Variants in INPP5A observed in about 807,000 individuals in gnomAD.
INPP5A encodes 43 kDa inositol polyphosphate 5-phophatase.
In INPP5A, 14 loss-of-function variants were observed where a neutral mutation model predicts 65.2. The observed-to-expected ratio is 0.21, with a 90% confidence interval of 0.14 to 0.34. The LOEUF is 0.34. INPP5A is among the 10% of genes least tolerant of loss of function. INPP5A has a pLI of 1.00. For missense variants in INPP5A, 431 were observed against 545.6 expected (o/e 0.79, Z 2.09); for synonymous variants, 207 against 208.3 (o/e 0.99, Z 0.05).
chr10:132,780,765 C>G, intron 13 of INPP5A, 84 bp from the exon 14 acceptor site: 1 of 1,105,338 alleles, frequency 9.0e-7, no homozygotes, highest in Non-Finnish European at 1.4e-6. Flanking sequence ...CCCCACAAAA[C>G]CCTGATGTTC....
chr10:132,720,493 A>C (rs1845849419), intron 8 of INPP5A, among the ~76,000 whole-genome samples: 1 of 147,396 alleles, frequency 6.8e-6, no homozygotes, highest in South Asian at 2.2e-4. Context: ...TGGGTGCCTT[A>C]GACAGCTGTC....
In INPP5A at chr10:132,603,905, C is replaced by A. The variant is rs536135647; in HGVS notation, c.76-4010C>A. Among the ~76,000 whole-genome samples the A allele has an allele frequency of 1.3e-5, 2 of 151,392 alleles. No homozygotes were observed. Among genetic ancestry groups the A allele is most frequent in the African/African-American group, 4.9e-5 (2 of 41,164 alleles). ...GCTGCATCACCTGAGTTCTGCCCTG[C>A]GCCGTCAGGGTCCCCTCTCCGTCCA... On this transcript the variant is annotated intron_variant, in intron 1 of 15. Transcript: ENST00000368594. This position sits in a 1 kb window ranked among gnomAD's most constrained non-coding sequence, Gnocchi z 4.2.
At chr10:132,559,955 G>A (rs755999936) in intron 1 of INPP5A, among the ~76,000 whole-genome samples, 1 of 152,218 alleles carries the variant, frequency 6.6e-6, no homozygotes, top group African/African-American at 2.4e-5. Context: ...GCTCTCTCGG[G>A]TGTAGACCTG....
chr10:132,730,013 C>T (rs1417459713), intron 9 of INPP5A, among the ~76,000 whole-genome samples: 1 of 152,252 alleles, frequency 6.6e-6, no homozygotes, highest in African/African-American at 2.4e-5. Context: ...TAAGCCTCAC[C>T]AGCTCCCGTC....
intron 1 of INPP5A, among the ~76,000 whole-genome samples, chr10:132,574,625 TTTGTATTTTA>T (rs2071392770): frequency 7.8e-6 from 1 of 128,394 alleles, no homozygotes; most frequent in Admixed American, 8.8e-5. Context: ...TTTTTTTAAT[TTTGTATTTTA>T]TTTTATTTTA....
At chr10:132,618,796 C>T (rs959173502) in intron 2 of INPP5A, among the ~76,000 whole-genome samples, 3 of 152,196 alleles carry the variant, frequency 2.0e-5, no homozygotes, top group Admixed American at 1.3e-4. Context: ...CAAGAGAGAG[C>T]GAGTGGGGAT....
intron 2 of INPP5A, among the ~76,000 whole-genome samples, chr10:132,629,882 G>A (rs778416636): frequency 6.6e-6 from 1 of 152,144 alleles, no homozygotes; most frequent in Non-Finnish European, 1.5e-5. Context: ...TCCAGGGAAA[G>A]ACAATCATAA....
intron 9 of INPP5A, among the ~76,000 whole-genome samples, chr10:132,728,126 T>C (rs1846017336): frequency 6.6e-6 from 1 of 152,210 alleles, no homozygotes; most frequent in Non-Finnish European, 1.5e-5. Context: ...TATCAACATT[T>C]GGCCGTGCTG....
In INPP5A at chr10:132,652,880, C is replaced by T. The variant is rs537338804; in HGVS notation, c.306+2375C>T. 4.6e-5 allele frequency among the ~76,000 whole-genome samples: 7 copies of T among 152,302 alleles called. No homozygotes were observed. The South Asian group carries it at 1.0e-3, about 23-fold the overall frequency. On this transcript the variant is annotated intron_variant, in intron 4 of 15. Transcript: ENST00000368594. Reference sequence around the variant, plus strand: ...TTTGGGAGGACATAGCGGTCGTGAACGTGCGCCCCTAATATCAGAGCTCAC... The same window carrying T: ...TTTGGGAGGACATAGCGGTCGTGAATGTGCGCCCCTAATATCAGAGCTCAC...
intron 13 of INPP5A, 48 bp downstream of exon 13, chr10:132,777,830 T>C: frequency 1.3e-6 from 2 of 1,595,798 alleles, no homozygotes; most frequent in Non-Finnish European, 1.7e-6. Context: ...TGTGGAGCGC[T>C]GGGTCTGGTC....
intron 5 of INPP5A, among the ~76,000 whole-genome samples, chr10:132,690,882 T>A (rs1227735292): frequency 6.6e-6 from 1 of 152,208 alleles, no homozygotes; most frequent in Admixed American, 6.5e-5. Context: ...GACGCTCCGC[T>A]GACACAAGCT....
chr10:132,775,991 G>A (rs1847057271), intron 12 of INPP5A, among the ~76,000 whole-genome samples: 2 of 150,930 alleles, frequency 1.3e-5, no homozygotes, highest in South Asian at 4.2e-4. Flanking sequence ...GTGTGCGGAT[G>A]CAATGGACAT....
intron 4 of INPP5A, among the ~76,000 whole-genome samples, chr10:132,652,016 C>G (rs1338429541): frequency 6.6e-6 from 1 of 152,132 alleles, no homozygotes; most frequent in African/African-American, 2.4e-5. Context: ...TCCTGTCAGC[C>G]TTCCTCCCTC....
chr10:132,645,544 A>C (rs911553314), intron 2 of INPP5A, among the ~76,000 whole-genome samples: 1 of 152,242 alleles, frequency 6.6e-6, no homozygotes. Context: ...AGGCTCCCAG[A>C]GGCTCTGCAG....
intron 1 of INPP5A, among the ~76,000 whole-genome samples, chr10:132,578,612 TGTGTGGG>T (rs2071440200): frequency 2.5e-5 from 1 of 40,550 alleles, no homozygotes; most frequent in South Asian, 9.4e-4. Context: ...GTCAGGAGAG[TGTGTGGG>T]GCGTCTCACC....
chr10:132,623,396 GT>G (rs528742476), intron 2 of INPP5A, among the ~76,000 whole-genome samples: 2,443 of 141,882 alleles, frequency 0.017, 36 homozygotes, highest in Non-Finnish European at 0.02. Context: ...GAAAGGAACA[GT>G]TTTTTTTTTT....
At chr10:132,645,673 G>C (rs895804433) in intron 2 of INPP5A, among the ~76,000 whole-genome samples, 195 bp from the exon 3 acceptor site, 1 of 152,194 alleles carries the variant, frequency 6.6e-6, no homozygotes, top group Non-Finnish European at 1.5e-5. Flanking sequence ...AAAAGCACTG[G>C]AAATATAAAT....
chr10:132,552,395 G>A (rs1425579197), intron 1 of INPP5A, among the ~76,000 whole-genome samples: 4 of 142,980 alleles, frequency 2.8e-5, no homozygotes, highest in African/African-American at 5.3e-5. Flanking sequence ...GTGGGATAGG[G>A]AGGGAGGATT....
At chr10:132,577,363 T>C (rs1237119309) in intron 1 of INPP5A, among the ~76,000 whole-genome samples, 2 of 152,182 alleles carry the variant, frequency 1.3e-5, no homozygotes, top group Non-Finnish European at 2.9e-5. Context: ...ACAGGAGATA[T>C]GGGGTCAAAA....
Sources: allele counts gnomAD v4.1 joint callset (sites outside exome capture counted in the v4.1 genomes callset), GRCh38; gene constraint gnomAD v4.1.1; non-coding constraint Gnocchi (gnomAD v3.1); transcripts MANE v1.5; gene names NCBI Gene and HGNC (gene_info 2026-07-23, HGNC 2026-07-21).